EYS: variants seen among roughly 807,000 people sequenced by gnomAD.
EYS encodes the protein EGF-like photoreceptor maintenance factor.
EYS carries 250 observed loss-of-function variants against 282.1 expected under a neutral mutation model. The observed-to-expected ratio is 0.89, with a 90% CI of 0.80 to 0.98. The LOEUF is 0.98. Ranked by LOEUF, EYS falls within the 50% of genes least tolerant of loss-of-function variation. The pLI, the probability that EYS is intolerant of heterozygous loss-of-function variation, is 0.00. For synonymous variants in EYS, 1,355 were observed against 1,282.9 expected (o/e 1.06, Z -1.20); for missense variants, 4,016 against 3,709.0 (o/e 1.08, Z -2.15).
At chr6:65,497,711 T>A (rs1380836130) in intron 2 of EYS, among the ~76,000 whole-genome samples, 1 of 151,696 alleles carries the variant, frequency 6.6e-6, no homozygotes, top group Non-Finnish European at 1.5e-5. Flanking sequence ...TGTCCATAGG[T>A]TCTTGGAAAC....
intron 35 of EYS, among the ~76,000 whole-genome samples, chr6:63,969,474 T>C (rs1766455993): frequency 6.6e-6 from 1 of 152,216 alleles, no homozygotes; most frequent in Admixed American, 6.5e-5. Context: ...TGTAGATTAG[T>C]TTAAAACTAA....
At chr6:64,150,524 A>G (rs1230579756) in intron 31 of EYS, among the ~76,000 whole-genome samples, 1 of 152,208 alleles carries the variant, frequency 6.6e-6, no homozygotes, top group Non-Finnish European at 1.5e-5. Context: ...AGGAGATGAT[A>G]TTTTAGAGAA....
chr6:64,952,410 G>A (rs1225045556), intron 14 of EYS, among the ~76,000 whole-genome samples: 1 of 151,932 alleles, frequency 6.6e-6, no homozygotes, highest in Middle Eastern at 3.2e-3. Context: ...TGCCCAACGA[G>A]GGTATAAGAA....
intron 26 of EYS, among the ~76,000 whole-genome samples, chr6:64,578,512 C>T (rs79189087): frequency 0.028 from 4,190 of 152,138 alleles, 121 homozygotes; most frequent in East Asian, 0.11. Flanking sequence ...AGTGTTGTCA[C>T]TCACTCTTCA....
At chr6:65,073,651 T>A (rs1248734929) in intron 12 of EYS, among the ~76,000 whole-genome samples, 2 of 151,766 alleles carry the variant, frequency 1.3e-5, no homozygotes, top group African/African-American at 2.4e-5. Context: ...ATATACTTTT[T>A]AATATTTTTT....
chr6:64,699,835 AC>A (rs1770719110), intron 22 of EYS, among the ~76,000 whole-genome samples: 1 of 151,986 alleles, frequency 6.6e-6, no homozygotes, highest in African/African-American at 2.4e-5. Flanking sequence ...ATCCTCCATA[AC>A]CCATTTTACA....
chr6:65,439,285 T>A (rs982706304), intron 5 of EYS, among the ~76,000 whole-genome samples: 1 of 151,992 alleles, frequency 6.6e-6, no homozygotes, highest in Non-Finnish European at 1.5e-5. Context: ...TAGAGTGATA[T>A]CTCCAGCTTT....
intron 1 of EYS, among the ~76,000 whole-genome samples, chr6:65,655,302 T>C (rs2149821811): frequency 6.6e-6 from 1 of 151,768 alleles, no homozygotes; most frequent in African/African-American, 2.4e-5. Flanking sequence ...GTGACTTCCT[T>C]CTAAAGAATA....
At chr6:64,077,442 A>T (rs576720195) in intron 32 of EYS, among the ~76,000 whole-genome samples, 1 of 152,146 alleles carries the variant, frequency 6.6e-6, no homozygotes, top group African/African-American at 2.4e-5. Flanking sequence ...AGTATCAGAA[A>T]TCTTTTAGTC....
chr6:64,954,142 T>A (rs1330387723), intron 14 of EYS, among the ~76,000 whole-genome samples: 4 of 152,108 alleles, frequency 2.6e-5, no homozygotes, highest in East Asian at 1.9e-4. Context: ...GCTGTTTGTC[T>A]ACTATGCTAT....
chr6:65,259,387 CA>C (rs1229898215), intron 12 of EYS, among the ~76,000 whole-genome samples: 1 of 151,992 alleles, frequency 6.6e-6, no homozygotes, highest in African/African-American at 2.4e-5. Flanking sequence ...TTCTGTAACC[CA>C]GAACCAAATG....
intron 24 of EYS, among the ~76,000 whole-genome samples, chr6:64,602,919 T>C (rs754087094): frequency 2.0e-5 from 3 of 151,994 alleles, no homozygotes; most frequent in Non-Finnish European, 4.4e-5. Context: ...TAGGGACTAA[T>C]AAAAACAGAG....
chr6:65,259,399 T>C (rs983338606), intron 12 of EYS, among the ~76,000 whole-genome samples: 2 of 152,088 alleles, frequency 1.3e-5, no homozygotes, highest in Admixed American at 1.3e-4. Context: ...GAACCAAATG[T>C]CTTCGGTGTT....
intron 1 of EYS, among the ~76,000 whole-genome samples, chr6:65,689,540 TA>T (rs1270046414): frequency 4.0e-5 from 6 of 150,020 alleles, no homozygotes; most frequent in Non-Finnish European, 8.9e-5. Context: ...AAATTATGTG[TA>T]AAAATTAAGA....
chr6:64,262,508 T>G (rs1019376390), intron 30 of EYS, among the ~76,000 whole-genome samples: 12 of 152,032 alleles, frequency 7.9e-5, no homozygotes, highest in Non-Finnish European at 1.8e-4. Flanking sequence ...TTCCCTACGT[T>G]ATATGAATAG....
At chr6:65,320,702 AG>A (rs1769450523) in intron 11 of EYS, among the ~76,000 whole-genome samples, 1 of 152,190 alleles carries the variant, frequency 6.6e-6, no homozygotes, top group Admixed American at 6.5e-5. Flanking sequence ...GATAGCCTCT[AG>A]GGCTCAGCCC....
chr6:64,302,504 T>C (rs996666486), intron 30 of EYS, among the ~76,000 whole-genome samples: 1 of 152,180 alleles, frequency 6.6e-6, no homozygotes, highest in Non-Finnish European at 1.5e-5. Flanking sequence ...ACATCTCCTT[T>C]CAACTTTTGC....
At chr6:64,282,597 C>T (rs532974648) in intron 30 of EYS, among the ~76,000 whole-genome samples, 1 of 152,100 alleles carries the variant, frequency 6.6e-6, no homozygotes, top group Non-Finnish European at 1.5e-5. Context: ...GGGAGAGAAA[C>T]AAGCTATTCT....
At chr6:63,780,394 T>G (rs1192934591) in intron 39 of EYS, among the ~76,000 whole-genome samples, 1 of 152,144 alleles carries the variant, frequency 6.6e-6, no homozygotes, top group Admixed American at 6.5e-5. Flanking sequence ...TTTCTCCACA[T>G]CCTCTCCAGC....
Sources: gnomAD v4.1 joint callset for allele counts (sites outside exome capture counted in the v4.1 genomes callset) on GRCh38, gnomAD v4.1.1 for gene constraint, MANE v1.5 for transcripts, NCBI Gene and HGNC (gene_info 2026-07-23, HGNC 2026-07-21) for gene names.